Variants in ADAMTS18 observed in about 807,000 individuals in gnomAD.
The protein encoded by ADAMTS18 is ADAM metallopeptidase with thrombospondin type 1 motif 18.
ADAMTS18 carries 157 observed loss-of-function variants against 165.9 expected under a neutral mutation model. The ratio of observed to expected loss-of-function variants is 0.95; its 90% CI spans 0.83 to 1.08. The LOEUF (loss-of-function observed/expected upper bound fraction) is 1.08, where lower values mean the gene tolerates loss of function less well. Ranked by LOEUF, ADAMTS18 falls within the 50% of genes least tolerant of loss-of-function variation. The pLI is 0.00. For synonymous variants in ADAMTS18, 782 were observed against 578.2 expected (o/e 1.35, Z -5.06); for missense variants, 2,040 against 1,534.0 (o/e 1.33, Z -5.51).
chr16:77,310,590 T>A (rs1252362986), intron 16 of ADAMTS18, among the ~76,000 whole-genome samples: 2 of 152,162 alleles, frequency 1.3e-5, no homozygotes, highest in East Asian at 3.9e-4. Flanking sequence ...TTTAAAGACT[T>A]AAGGCTGTAA....
rs72800093 is a variant in ADAMTS18 at position 77,287,035 on chromosome 16, G to T, written c.3550+2229C>A. 4.5e-3 allele frequency among the ~76,000 whole-genome samples: 685 copies of T among 152,202 alleles called. 3 individuals carry two copies. The highest frequency in any genetic ancestry group is 7.9e-3 in the Non-Finnish European group (534 of 68,014). ...GATCTGGGGGACAACAAAGCTGTTTGGTGACACTGGATGACAGGAGGATGC... is the reference window on the plus strand; with the variant it reads ...GATCTGGGGGACAACAAAGCTGTTTTGTGACACTGGATGACAGGAGGATGC... On this transcript the variant is annotated intron_variant, in intron 22 of 22. Coordinates refer to ENST00000282849, the MANE Select transcript of ADAMTS18 (RefSeq NM_199355.4).
chr16:77,283,966 C>T lies in ADAMTS18; in HGVS notation c.3656G>A (p.Arg1219Lys), dbSNP rs1472591261. The change falls in exon 23 of 23, where the codon AGG (arginine) becomes AAG (lysine). Residue 1219 changes from arginine to lysine, a missense_variant. Transcript: ENST00000282849. ...YGKQCCKSCT[R>K]KI The stretch of plus-strand genomic sequence containing the variant: ...GGGAGGACACCAAGATCAGATCTTC[C>T]TTGTGCATGACTTGCAGCATTGTTT... 2.5e-6 allele frequency: 4 copies of T among 1,613,616 alleles called. No individual in the cohort carries two copies. The highest frequency in any genetic ancestry group is 2.5e-6 in the Non-Finnish European group (3 of 1,179,632).
chr16:77,306,527 G>A (rs2055684866), intron 16 of ADAMTS18, among the ~76,000 whole-genome samples: 1 of 152,066 alleles, frequency 6.6e-6, no homozygotes, highest in South Asian at 2.1e-4. Flanking sequence ...CCTTCAGTCA[G>A]CTTTGTATTT....
chr16:77,311,825 G>A (rs1320807580), intron 16 of ADAMTS18, among the ~76,000 whole-genome samples: 2 of 151,932 alleles, frequency 1.3e-5, no homozygotes, highest in African/African-American at 4.8e-5. Context: ...TTTCAGATAG[G>A]TCAAATTCCT....
chr16:77,284,122 T>TA, intron 22 of ADAMTS18, 51 bp from the exon 23 acceptor site: 11 of 1,267,742 alleles, frequency 8.7e-6, no homozygotes, highest in East Asian at 2.4e-5. Flanking sequence ...CTATCCTTTT[T>TA]CTTTTTTTTT....
chr16:77,433,448 T>A (rs1177167923), intron 2 of ADAMTS18: 1 of 152,246 alleles, frequency 6.6e-6, no homozygotes. Context: ...AAGAGTGATC[T>A]CTGATTGACC....
rs1470277337 is a variant in ADAMTS18 at position 77,364,372 on chromosome 16, T to G, written c.788A>C (p.Lys263Thr). The G allele has an allele frequency of 1.2e-6, 2 of 1,613,638 alleles. No individual in the cohort carries two copies. The highest frequency in any genetic ancestry group is 2.2e-5 in the South Asian group (2 of 91,054). ...TAGATAGGTGTCCTCTGTGGGAGGC[T>G]TGGGAGCATCTACGATGAACAGAAG... The part of the protein sequence containing the change: ...FCGRRKKYAP[K>T]PPTEDTYLRF... The change falls in exon 5 of 23, where the codon AAG (lysine) becomes ACG (threonine). Residue 263 changes from lysine to threonine, a missense_variant. Transcript: ENST00000282849.
intron 10 of ADAMTS18, among the ~76,000 whole-genome samples, chr16:77,353,476 T>G (rs932011307): frequency 3.3e-5 from 5 of 152,130 alleles, no homozygotes; most frequent in Non-Finnish European, 7.4e-5. Context: ...GGTTTACTAG[T>G]AGGGATAAAG....
At chr16:77,367,319 C>T in intron 4 of ADAMTS18, 122 bp downstream of exon 4, 1 of 1,087,920 alleles carries the variant, frequency 9.2e-7, no homozygotes. Flanking sequence ...ACTGGTCCTA[C>T]ACCAAGACAG....
chr16:77,322,528 T>C (rs1435343304), intron 13 of ADAMTS18, 62 bp from the exon 14 acceptor site: 5 of 1,578,846 alleles, frequency 3.2e-6, no homozygotes, highest in African/African-American at 1.4e-5. Flanking sequence ...AATGATAGGA[T>C]TGTCAAAAGA....
chr16:77,370,474 G>A (rs1437860965), intron 3 of ADAMTS18, among the ~76,000 whole-genome samples: 2 of 152,178 alleles, frequency 1.3e-5, no homozygotes, highest in Non-Finnish European at 1.5e-5. Context: ...AGGTGGCCAA[G>A]TGCAGTGGCT....
chr16:77,410,639 C>A (rs564445432), intron 3 of ADAMTS18, among the ~76,000 whole-genome samples: 59 of 152,220 alleles, frequency 3.9e-4, no homozygotes, highest in Admixed American at 8.5e-4. Flanking sequence ...GTCTCTCGAC[C>A]CCCCTACCAT....
At position 77,322,303 on chromosome 16, in the gene ADAMTS18, C is replaced by G. The variant is rs778323684; in HGVS notation, c.2163+33G>C. The stretch of plus-strand genomic sequence containing the variant: ...CACGATATGATAAAACACAAGCATG[C>G]TCATACACTCCAAAGCAGAAACGTT... On this transcript the variant is annotated intron_variant, in intron 14 of 22. Transcript: ENST00000282849. The G allele has an allele frequency of 6.2e-6, 10 of 1,612,418 alleles. No individual in the cohort carries two copies. In the African/African-American group the frequency reaches 1.2e-4, roughly 19 times the overall value.
At position 77,363,654 on chromosome 16, in the gene ADAMTS18, T is replaced by G. The variant is rs906093095; in HGVS notation, c.1056+148A>C. 6.3e-6 allele frequency: 4 copies of G among 632,016 alleles called. No homozygotes were observed. The African/African-American group carries it at 7.3e-5, about 12-fold the overall frequency. 39.2% of individuals were successfully genotyped at this position (632,016 alleles called of 1,614,324 possible). On this transcript the variant is annotated intron_variant, in intron 6 of 22. Coordinates refer to ENST00000282849, the MANE Select transcript of ADAMTS18 (RefSeq NM_199355.4). ...GTTTAATTGTGTGATTACACAATCT[T>G]TTAAAATTGTACTTTGAGGAGAGTC... is the stretch of plus-strand genomic sequence containing the variant.
At chr16:77,315,165 A>C (rs1220151956) in intron 16 of ADAMTS18, among the ~76,000 whole-genome samples, 1 of 152,092 alleles carries the variant, frequency 6.6e-6, no homozygotes, top group African/African-American at 2.4e-5. Flanking sequence ...CTAAAAAAAA[A>C]TTTCTGTATC....
At chr16:77,380,181 A>T (rs1226250796) in intron 3 of ADAMTS18, among the ~76,000 whole-genome samples, 1 of 152,216 alleles carries the variant, frequency 6.6e-6, no homozygotes, top group East Asian at 1.9e-4. Context: ...CTCCAGAACA[A>T]CATTAACTAA....
intron 3 of ADAMTS18, among the ~76,000 whole-genome samples, chr16:77,392,458 T>C (rs1398959415): frequency 6.6e-6 from 1 of 152,164 alleles, no homozygotes; most frequent in African/African-American, 2.4e-5. Context: ...CACACCCTCA[T>C]TTCCTCCTAC....
chr16:77,330,697 G>A (rs1041778312), intron 12 of ADAMTS18, among the ~76,000 whole-genome samples: 4 of 152,170 alleles, frequency 2.6e-5, no homozygotes, highest in Non-Finnish European at 5.9e-5. Context: ...CCTGGCATTG[G>A]CCATTCCAGA....
intron 9 of ADAMTS18, among the ~76,000 whole-genome samples, chr16:77,354,869 T>C (rs1481203228): frequency 6.6e-6 from 1 of 152,214 alleles, no homozygotes; most frequent in African/African-American, 2.4e-5. Flanking sequence ...ATTAATTGCA[T>C]TCTTACATGA....
Sources: gnomAD v4.1 joint callset for allele counts (sites outside exome capture counted in the v4.1 genomes callset) on GRCh38, gnomAD v4.1.1 for gene constraint, MANE v1.5 for transcripts, NCBI Gene and HGNC (gene_info 2026-07-23, HGNC 2026-07-21) for gene names.